ESR1: variants seen among roughly 807,000 people sequenced by gnomAD.
ESR1 encodes the protein estrogen receptor.
A neutral mutation model predicts 52.7 loss-of-function variants in ESR1; 12 were observed. The ratio of observed to expected loss-of-function variants is 0.23; its 90% CI spans 0.15 to 0.37. The LOEUF is 0.37. ESR1 is among the 10% of genes least tolerant of loss of function. The pLI is 1.00. For missense variants in ESR1, 584 were observed against 779.7 expected, an observed-to-expected ratio of 0.75 and a Z score of 2.99; for synonymous variants, 305 against 316.8, an observed-to-expected ratio of 0.96 and a Z score of 0.39.
At chr6:151,749,381 G>A (rs1248041114) in intron 2 of ESR1, among the ~76,000 whole-genome samples, 2 of 152,116 alleles carry the variant, frequency 1.3e-5, no homozygotes, top group East Asian at 3.8e-4. Flanking sequence ...AGAGTAATTA[G>A]CAAATCCATC....
intron 1 of ESR1, among the ~76,000 whole-genome samples, chr6:151,830,670 T>C (rs1171597801): frequency 6.6e-6 from 1 of 152,210 alleles, no homozygotes; most frequent in African/African-American, 2.4e-5. Context: ...TACACATTAG[T>C]AACTGACAAA....
chr6:152,112,233 T>C (rs1346739147), intron 6 of ESR1, among the ~76,000 whole-genome samples: 1 of 152,202 alleles, frequency 6.6e-6, no homozygotes, highest in Non-Finnish European at 1.5e-5. Flanking sequence ...TAAACTTTGA[T>C]CTAGGTTTAA....
intron 3 of ESR1, among the ~76,000 whole-genome samples, chr6:151,933,820 T>G (rs2034015721): frequency 6.6e-6 from 1 of 152,206 alleles, no homozygotes; most frequent in South Asian, 2.1e-4. Context: ...GGCTTTACTT[T>G]CAAAATAAAT....
At chr6:151,785,013 T>C (rs149680518) in intron 2 of ESR1, among the ~76,000 whole-genome samples, 76 of 152,364 alleles carry the variant, frequency 5.0e-4, no homozygotes, top group Non-Finnish European at 7.1e-4. Context: ...CCACCCATGT[T>C]ATGAGGGGGA....
At chr6:151,772,711 C>T (rs1197090657) in intron 2 of ESR1, among the ~76,000 whole-genome samples, 1 of 152,146 alleles carries the variant, frequency 6.6e-6, no homozygotes, top group Non-Finnish European at 1.5e-5. Context: ...AGCAAATCAA[C>T]TATCACAGAC....
At chr6:152,091,848 G>T (rs2050208191) in intron 6 of ESR1, among the ~76,000 whole-genome samples, 1 of 152,212 alleles carries the variant, frequency 6.6e-6, no homozygotes, top group South Asian at 2.1e-4. Flanking sequence ...ACAAGAAAGG[G>T]ATTATTGGTG....
intron 4 of ESR1, among the ~76,000 whole-genome samples, chr6:151,993,944 C>T (rs759372568): frequency 6.6e-6 from 1 of 151,956 alleles, no homozygotes; most frequent in African/African-American, 2.4e-5. Flanking sequence ...TTTTAAACTG[C>T]AAAATAATGA....
intron 3 of ESR1, among the ~76,000 whole-genome samples, chr6:151,901,472 T>A (rs1472959212): frequency 2.6e-5 from 4 of 152,196 alleles, no homozygotes; most frequent in African/African-American, 9.6e-5. Flanking sequence ...CATGTTTGGT[T>A]GGAATTGTTA....
At chr6:151,943,270 C>T (rs1192166057) in intron 3 of ESR1, among the ~76,000 whole-genome samples, 1 of 151,970 alleles carries the variant, frequency 6.6e-6, no homozygotes, top group Non-Finnish European at 1.5e-5. Context: ...GTCCCAGCTA[C>T]TCAGGAGGCT....
chr6:151,915,306 T>C (rs1228925404), intron 3 of ESR1, among the ~76,000 whole-genome samples: 1 of 152,244 alleles, frequency 6.6e-6, no homozygotes, highest in Non-Finnish European at 1.5e-5. Flanking sequence ...GGAATTCTGC[T>C]TATTAATTTC....
rs368903784 is a variant in ESR1 at position 151,848,401 on chromosome 6, C to T, written c.643+5614C>T. Among the ~76,000 whole-genome samples the T allele has an allele frequency of 6.5e-4, 85 of 131,220 alleles. 2 individuals carry two copies. The South Asian group carries it at 0.018, about 27-fold the overall frequency. 86.1% of individuals were successfully genotyped at this position (131,220 alleles called of 152,430 possible). ...CTAGATGACGAGTTAGTGGGTGCAGCGCACCAGCATGGCACATGTATACAT... is the reference window on the plus strand; with the variant it reads ...CTAGATGACGAGTTAGTGGGTGCAGTGCACCAGCATGGCACATGTATACAT... On this transcript the variant is annotated intron_variant, in intron 2 of 7. Transcript: ENST00000206249.
intron 5 of ESR1, among the ~76,000 whole-genome samples, chr6:152,019,079 T>C (rs1191802132): frequency 1.3e-5 from 2 of 152,196 alleles, no homozygotes; most frequent in East Asian, 3.9e-4. Context: ...ATTCTGGGAA[T>C]ATGAAACTGT....
chr6:151,721,797 A>C (rs182291199), intron 2 of ESR1, among the ~76,000 whole-genome samples: 2 of 152,364 alleles, frequency 1.3e-5, no homozygotes, highest in Admixed American at 1.3e-4. Flanking sequence ...GGCTTTTGGC[A>C]TAGCTGTTCA....
At chr6:151,802,317 T>C (rs965513157), upstream of ESR1, among the ~76,000 whole-genome samples, 8 of 152,208 alleles carry the variant, frequency 5.3e-5, no homozygotes, top group African/African-American at 1.9e-4. Context: ...ATCAGATAAA[T>C]GCTCAAAAAT....
chr6:151,706,647 C>CT (rs1780207315), intron 2 of ESR1, among the ~76,000 whole-genome samples: 1 of 152,148 alleles, frequency 6.6e-6, no homozygotes, highest in African/African-American at 2.4e-5. Context: ...CCCCTGCAGC[C>CT]TTGCTTGCCT....
At chr6:151,886,787 TC>T (rs1793916389) in intron 3 of ESR1, among the ~76,000 whole-genome samples, 2 of 152,212 alleles carry the variant, frequency 1.3e-5, no homozygotes, top group African/African-American at 4.8e-5. Context: ...ACACCTGTAA[TC>T]CCAGCATTTT....
At chr6:151,729,333 G>A (rs913314715) in intron 2 of ESR1, among the ~76,000 whole-genome samples, 3 of 152,152 alleles carry the variant, frequency 2.0e-5, no homozygotes, top group Non-Finnish European at 2.9e-5. Context: ...ACCATGAGAA[G>A]TAAATTTCTG....
intron 5 of ESR1, among the ~76,000 whole-genome samples, chr6:152,056,432 A>AT (rs2047109364): frequency 6.6e-6 from 1 of 152,216 alleles, no homozygotes; most frequent in Non-Finnish European, 1.5e-5. Flanking sequence ...CCTTTTATAT[A>AT]AAGAGATGCT....
chr6:151,795,258 G>T (rs1341765036), intron 2 of ESR1, among the ~76,000 whole-genome samples: 1 of 151,752 alleles, frequency 6.6e-6, no homozygotes, highest in Non-Finnish European at 1.5e-5. Flanking sequence ...AGGCTGAGGT[G>T]GGGGGATCAC....
Sources: gnomAD v4.1 joint callset for allele counts (sites outside exome capture counted in the v4.1 genomes callset) on GRCh38, gnomAD v4.1.1 for gene constraint, MANE v1.5 for transcripts, NCBI Gene and HGNC (gene_info 2026-07-23, HGNC 2026-07-21) for gene names.